The following VAT1L variants were observed in gnomAD, a reference collection of about 807,000 sequenced individuals.
VAT1L encodes vesicle amine transport 1 like.
A neutral mutation model predicts 44.1 loss-of-function variants in VAT1L; 34 were observed. The observed-to-expected ratio is 0.77, with a 90% confidence interval of 0.59 to 1.03. The LOEUF (loss-of-function observed/expected upper bound fraction) is 1.03. Among genes scored for constraint, VAT1L ranks in the 50% least tolerant of loss-of-function variants. The pLI is 0.00. For synonymous variants in VAT1L, 253 were observed against 202.2 expected (o/e 1.25, Z -2.13); for missense variants, 615 against 538.8 (o/e 1.14, Z -1.40).
At chr16:77,824,755 C>CAA (rs35200345) in intron 2 of VAT1L, among the ~76,000 whole-genome samples, 47 of 111,264 alleles carry the variant, frequency 4.2e-4, no homozygotes, top group East Asian at 2.1e-3. Context: ...GACTCCATCT[C>CAA]AAAAAAAAAA....
At chr16:77,887,583 G>C (rs1354885001) in intron 7 of VAT1L, among the ~76,000 whole-genome samples, 1 of 152,164 alleles carries the variant, frequency 6.6e-6, no homozygotes, top group African/African-American at 2.4e-5. Flanking sequence ...CAGTGCTGGG[G>C]GAAATGGTGC....
chr16:77,858,272 AGT>A (rs2016881640), intron 3 of VAT1L, among the ~76,000 whole-genome samples: 1 of 152,162 alleles, frequency 6.6e-6, no homozygotes, highest in Non-Finnish European at 1.5e-5. Flanking sequence ...GAGATGACTG[AGT>A]GGGAATAGCC....
chr16:77,805,719 C>T (rs777182882), intron 1 of VAT1L, among the ~76,000 whole-genome samples: 17 of 151,940 alleles, frequency 1.1e-4, no homozygotes, highest in Non-Finnish European at 1.9e-4. Flanking sequence ...CCTGCCTCTC[C>T]GCCAGTGTCG....
rs745318314 is a variant in VAT1L, at chr16:77,862,745, C to T, written c.580-3C>T. The T allele has an allele frequency of 3.1e-6, 5 of 1,612,442 alleles. No individual in the cohort carries two copies. In the African/African-American group the frequency reaches 6.7e-5, roughly 22 times the overall value. On this transcript the variant is annotated splice_polypyrimidine_tract_variant and splice_region_variant and intron_variant, in intron 3 of 8. Coordinates refer to ENST00000302536, the MANE Select transcript of VAT1L (RefSeq NM_020927.3). ...TGACATAGCTATTGTCTTTTCCTTC[C>T]AGGGTCAAGCTGTGGCTCAGCTGTG...
intron 7 of VAT1L, among the ~76,000 whole-genome samples, chr16:77,899,596 A>G (rs549252556): frequency 2.0e-5 from 3 of 152,226 alleles, no homozygotes; most frequent in South Asian, 4.2e-4. Flanking sequence ...TTCCCTTCCA[A>G]AATGTGTGTC....
intron 2 of VAT1L, among the ~76,000 whole-genome samples, chr16:77,823,064 G>A (rs553493452): frequency 6.6e-6 from 1 of 151,970 alleles, no homozygotes; most frequent in South Asian, 2.1e-4. Flanking sequence ...GTAGCCAAAC[G>A]GACAATCAAG....
chr16:77,843,997 C>G (rs1327986075), intron 3 of VAT1L, among the ~76,000 whole-genome samples: 1 of 152,178 alleles, frequency 6.6e-6, no homozygotes, highest in Non-Finnish European at 1.5e-5. Context: ...AGGTGGCATG[C>G]TAGGTATCTG....
chr16:77,816,009 G>A (rs1203345302), intron 1 of VAT1L, among the ~76,000 whole-genome samples: 1 of 130,006 alleles, frequency 7.7e-6, no homozygotes, highest in Non-Finnish European at 1.6e-5. Flanking sequence ...AACCACATCT[G>A]TTGGGAAAAA....
At position 77,818,390 on chromosome 16, in the gene VAT1L, G is replaced by T. The variant is rs184054004; in HGVS notation, c.363+1340G>T. Among the ~76,000 whole-genome samples, 497 of 144,396 alleles carry T rather than the reference G, an allele frequency of 3.4e-3. 21 individuals carry two copies. In the East Asian group the frequency reaches 0.093, roughly 27 times the overall value. 94.7% of individuals were successfully genotyped at this position (144,396 alleles called of 152,430 possible). On this transcript the variant is annotated intron_variant, in intron 2 of 8. Transcript: ENST00000302536. ...AAATGTTGAGAAAGAGGCAGTAAAT[G>T]AGTCTTTTCTTTTCTTTTATACGAA... is the stretch of plus-strand genomic sequence containing the variant.
intron 3 of VAT1L, among the ~76,000 whole-genome samples, chr16:77,860,325 T>C (rs1234515537): frequency 6.6e-6 from 1 of 152,124 alleles, no homozygotes; most frequent in Admixed American, 6.5e-5. Context: ...CAGTTGAGTG[T>C]GATGTGTCGC....
Position 77,977,748 on chromosome 16 carries a change from G to T in VAT1L, c.*53G>T. Reference sequence around the variant, plus strand: ...GGATGGTTTGGAAGATGAGGACCCGGCTGAGAAAACTCTTCTGTGCCCCAG... The same window carrying T: ...GGATGGTTTGGAAGATGAGGACCCGTCTGAGAAAACTCTTCTGTGCCCCAG... On this transcript the variant is annotated 3_prime_UTR_variant, in exon 9 of 9. Coordinates refer to ENST00000302536, the MANE Select transcript of VAT1L (RefSeq NM_020927.3). The T allele has an allele frequency of 1.3e-6, 2 of 1,558,536 alleles. No homozygotes were observed. The highest frequency in any genetic ancestry group is 1.8e-6 in the Non-Finnish European group (2 of 1,140,724).
intron 7 of VAT1L, among the ~76,000 whole-genome samples, chr16:77,949,591 T>G (rs371422): frequency 0.42 from 63,115 of 151,878 alleles, 13,588 homozygotes; most frequent in Middle Eastern, 0.56. Flanking sequence ...TAGTAGTTCC[T>G]GCCAGAGCTG....
chr16:77,914,350 T>C (rs1218515820), intron 7 of VAT1L, among the ~76,000 whole-genome samples: 1 of 152,208 alleles, frequency 6.6e-6, no homozygotes, highest in African/African-American at 2.4e-5. Flanking sequence ...TATGGTGGAG[T>C]ACTATAAAAT....
chr16:77,851,460 G>A (rs1052879014), intron 3 of VAT1L, among the ~76,000 whole-genome samples: 1 of 152,084 alleles, frequency 6.6e-6, no homozygotes, highest in Non-Finnish European at 1.5e-5. Context: ...ACCAGCCTGG[G>A]CAACATAGTG....
intron 7 of VAT1L, among the ~76,000 whole-genome samples, chr16:77,936,579 T>A (rs1348709375): frequency 6.6e-6 from 1 of 152,092 alleles, no homozygotes; most frequent in African/African-American, 2.4e-5. Flanking sequence ...TGGGATTTAC[T>A]CGGCAAAAAG....
At chr16:77,847,582 C>T (rs1408066539) in intron 3 of VAT1L, among the ~76,000 whole-genome samples, 1 of 152,146 alleles carries the variant, frequency 6.6e-6, no homozygotes. Flanking sequence ...ACGTGCAATA[C>T]CACTTGCTGT....
intron 3 of VAT1L, among the ~76,000 whole-genome samples, chr16:77,848,946 A>T (rs11864486): frequency 3.3e-5 from 5 of 152,192 alleles, no homozygotes; most frequent in African/African-American, 1.2e-4. Flanking sequence ...AGGAACAGAA[A>T]ACCAAACACC....
rs189463711 is a variant in VAT1L, at chr16:77,879,393, C to T, written c.882+169C>T. Among the ~76,000 whole-genome samples, 347 of 152,296 alleles carry T rather than the reference C, an allele frequency of 2.3e-3. 3 individuals are homozygous for T. Among genetic ancestry groups the T allele is most frequent in the African/African-American group, 7.6e-3 (315 of 41,584 alleles). ...GCAACCTCCGACTCCCTGGTTCAAG[C>T]GATTCTCCTGCCTCAGCCTCCCTAG... On this transcript the variant is annotated intron_variant, in intron 6 of 8. Coordinates refer to ENST00000302536, the MANE Select transcript of VAT1L (RefSeq NM_020927.3). The surrounding 1 kb of genome is among the most constrained non-coding windows in gnomAD (Gnocchi z 4.1).
At chr16:77,912,375 G>C (rs1211140479) in intron 7 of VAT1L, among the ~76,000 whole-genome samples, 1 of 152,082 alleles carries the variant, frequency 6.6e-6, no homozygotes, top group African/African-American at 2.4e-5. Context: ...CAACAGAAAT[G>C]GGAAAATGTT....
Sources: allele counts gnomAD v4.1 joint callset (sites outside exome capture counted in the v4.1 genomes callset), GRCh38; gene constraint gnomAD v4.1.1; non-coding constraint Gnocchi (gnomAD v3.1); transcripts MANE v1.5; gene names NCBI Gene and HGNC (gene_info 2026-07-23, HGNC 2026-07-21).